RHOC: variants seen among roughly 807,000 people sequenced by gnomAD.
RHOC encodes rho-related GTP-binding protein RhoC.
RHOC carries 13 observed loss-of-function variants against 19.5 expected under a neutral mutation model. That is an observed-to-expected ratio of 0.67 (90% confidence interval 0.43 to 1.06). The LOEUF is 1.06. Ranked by LOEUF, RHOC falls within the 50% of genes least tolerant of loss-of-function variation. The probability of loss-of-function intolerance (pLI) is 0.00; values close to 1 mark genes in which losing one functional copy is unlikely to be tolerated. For synonymous variants in RHOC, 106 were observed against 97.3 expected (o/e 1.09, Z -0.52); for missense variants, 173 against 256.9 (o/e 0.67, Z 2.23).
chr1:112,703,566 G>C, intron 3 of RHOC, 78 bp downstream of exon 3: 1 of 1,187,438 alleles, frequency 8.4e-7, no homozygotes, highest in Non-Finnish European at 1.2e-6. Flanking sequence ...GGTAGGAATG[G>C]GGAAGGACAT....
rs1557780474 is a variant in RHOC at position 112,706,451 on chromosome 1, A to ACACACACACACACACAC, written c.-77+626_-77+627insGTGTGTGTGTGTGTGTG. On this transcript the variant is annotated intron_variant, in intron 1 of 5. Transcript: ENST00000339083. Reference sequence around the variant, plus strand: ...TCTCTACACACACACACACACACACACACACACACACACCACACACACACA... The same window carrying ACACACACACACACACAC: ...TCTCTACACACACACACACACACACACACACACACACACACACCACACACACACACCACACACACACA... Among the ~76,000 whole-genome samples the ACACACACACACACACAC allele has an allele frequency of 2.1e-4, 5 of 23,576 alleles. 1 individual carries two copies. Among genetic ancestry groups the ACACACACACACACACAC allele is most frequent in the Admixed American group, 1.1e-3 (2 of 1,854 alleles). The allele number at this position is 23,576 out of a possible 152,430, so 15.5% of individuals were successfully genotyped here.
In RHOC at chr1:112,703,708, G is replaced by T; in HGVS notation, c.92C>A (p.Pro31Gln). ...LLIVFSKDQF[P>Q]EVYVPTVFEN... ...AAAGACAGTAGGGACGTAGACCTCCGGAAACTGATCCTTGCTGAAGACGAT... is the reference window on the plus strand; with the variant it reads ...AAAGACAGTAGGGACGTAGACCTCCTGAAACTGATCCTTGCTGAAGACGAT... Residue 31 changes from proline to glutamine, a missense_variant, in exon 3 of 6, where the codon CCG (proline) becomes CAG (glutamine). Pro to Gln is a moderately conservative substitution (Grantham distance 76, BLOSUM62 -1). Coordinates refer to ENST00000339083, the MANE Select transcript of RHOC (RefSeq NM_175744.5). 1 of 1,613,532 alleles carries T rather than the reference G, an allele frequency of 6.2e-7. No individual in the cohort carries two copies. Among genetic ancestry groups the T allele is most frequent in the Non-Finnish European group, 8.5e-7 (1 of 1,179,830 alleles).
At chr1:112,702,092 T>C (rs1243385793) in intron 5 of RHOC, among the ~76,000 whole-genome samples, 2 of 152,212 alleles carry the variant, frequency 1.3e-5, no homozygotes, top group Non-Finnish European at 2.9e-5. Context: ...TTTCTTATCC[T>C]GACAGCTTTC....
In RHOC at chr1:112,705,169, C is replaced by A. The variant is rs1204466861; in HGVS notation, c.-76-1G>T. 6 of 702,274 alleles carry A rather than the reference C, an allele frequency of 8.5e-6. No homozygotes were observed. Among genetic ancestry groups the A allele is most frequent in the Non-Finnish European group, 1.6e-5 (6 of 384,908 alleles). The allele number at this position is 702,274 out of a possible 1,614,324, so 43.5% of individuals were successfully genotyped here. On this transcript the variant is annotated splice_acceptor_variant, in intron 1 of 5. Coordinates refer to ENST00000339083, the MANE Select transcript of RHOC (RefSeq NM_175744.5). LOFTEE classifies it low-confidence loss of function (5UTR_SPLICE). ...CTCTGGAGCTGAGATGAAGTCAAGG[C>A]TGTTGGGAAGGGGGAGGGGGCTAGA...
At position 112,701,779 on chromosome 1, in the gene RHOC, CA is replaced by C. The variant is rs146521106; in HGVS notation, c.409-67del. ...CTACATGAACCTCTCCTGCCTCACC[CA>C]TAAGTGTAGCAGCTGGAACAAATGC... On this transcript the variant is annotated intron_variant, in intron 5 of 5. Transcript: ENST00000339083. The C allele has an allele frequency of 9.3e-3, 14,403 of 1,543,492 alleles. 84 individuals carry two copies. Among genetic ancestry groups the C allele is most frequent in the Non-Finnish European group, 0.011 (12,867 of 1,119,222 alleles).
chr1:112,706,499 CACACACACACA>C (rs1674890103), intron 1 of RHOC, among the ~76,000 whole-genome samples: 1 of 59,920 alleles, frequency 1.7e-5, no homozygotes, highest in African/African-American at 6.6e-5. Flanking sequence ...CACACACACA[CACACACACACA>C]CACACACACA....
chr1:112,703,212 C>A, intron 3 of RHOC, 93 bp from the exon 4 acceptor site: 1 of 1,459,328 alleles, frequency 6.9e-7, no homozygotes. Context: ...GCTCACTGAA[C>A]TTCTTTATTT....
At chr1:112,702,483 G>T in intron 5 of RHOC, 80 bp downstream of exon 5, 1 of 1,480,468 alleles carries the variant, frequency 6.8e-7, no homozygotes, top group South Asian at 1.2e-5. Flanking sequence ...AGTAGCTGGA[G>T]AGAAGTTCCC....
Position 112,703,137 on chromosome 1 carries a change from T to G in RHOC, c.157-18A>C, listed in dbSNP as rs765408892. 7.4e-6 allele frequency: 12 copies of G among 1,613,548 alleles called. No homozygotes were observed. In the South Asian group the frequency reaches 1.3e-4, roughly 18 times the overall value. On this transcript the variant is annotated intron_variant, in intron 3 of 5. Transcript: ENST00000339083. ...AGCTCCACCTGACACACAGGGCCAG[T>G]GAGTAGCTGGCCTGAGGGCCCCAAC...
chr1:112,706,428 T>TACACACA (rs1570835278), intron 1 of RHOC, among the ~76,000 whole-genome samples: 1 of 41,486 alleles, frequency 2.4e-5, no homozygotes, highest in Non-Finnish European at 5.1e-5. Flanking sequence ...TCTCTCTCTC[T>TACACACA]CTACACACAC....
chr1:112,706,471 CA>C lies in RHOC; in HGVS notation c.-77+606del, dbSNP rs1557780665. On this transcript the variant is annotated intron_variant, in intron 1 of 5. Transcript: ENST00000339083. ...CACACACACACACACACACCACACA[CA>C]CACACACACACACACACACACACAC... Among the ~76,000 whole-genome samples the C allele has an allele frequency of 9.2e-3, 31 of 3,370 alleles. 2 individuals carry two copies. Among genetic ancestry groups the C allele is most frequent in the African/African-American group, 0.02 (31 of 1,536 alleles). 2.2% of individuals were successfully genotyped at this position (3,370 alleles called of 152,430 possible).
At chr1:112,706,646 A>C (rs1172364341) in intron 1 of RHOC, 2 of 151,966 alleles carry the variant, frequency 1.3e-5, no homozygotes, top group Non-Finnish European at 2.9e-5. Context: ...CAATGGTCAC[A>C]TCCCGCCCCT....
Position 112,701,462 on chromosome 1 carries a change from C to T in RHOC, c.*78G>A. 6.2e-7 allele frequency: 1 copy of T among 1,613,654 alleles called. No individual in the cohort carries two copies. Among genetic ancestry groups the T allele is most frequent in the South Asian group, 1.1e-5 (1 of 91,062 alleles). The stretch of plus-strand genomic sequence containing the variant: ...ATGGGAGCCTTCAGCATGGAGCCCT[C>T]AGGAGGCTGGGGTTGTAGGGGGATA... On this transcript the variant is annotated 3_prime_UTR_variant, in exon 6 of 6. Coordinates refer to ENST00000339083, the MANE Select transcript of RHOC (RefSeq NM_175744.5).
rs1283698600 is a variant in RHOC at position 112,703,485 on chromosome 1, G to C, written c.156+159C>G. 12 of 765,034 alleles carry C rather than the reference G, an allele frequency of 1.6e-5. No individual in the cohort carries two copies. The East Asian group carries it at 2.4e-4, about 15-fold the overall frequency. The allele number at this position is 765,034 out of a possible 1,614,324, so 47.4% of individuals were successfully genotyped here. A position where few individuals can be genotyped will look rare whatever the true frequency, so the allele number is the denominator to read the frequency against. ...GTGGGAGAACCAGAAAGTATATCCAGGTTTTTTAAGACTGCAGATTTACTT... is the reference window on the plus strand; with the variant it reads ...GTGGGAGAACCAGAAAGTATATCCACGTTTTTTAAGACTGCAGATTTACTT... On this transcript the variant is annotated intron_variant, in intron 3 of 5. Coordinates refer to ENST00000339083, the MANE Select transcript of RHOC (RefSeq NM_175744.5).
In RHOC at chr1:112,701,381, G is replaced by A. The variant is rs1043952998; in HGVS notation, c.*159C>T. On this transcript the variant is annotated 3_prime_UTR_variant, in exon 6 of 6. Coordinates refer to ENST00000339083, the MANE Select transcript of RHOC (RefSeq NM_175744.5). ...CCCAGAGCGCTGGGAGGGAGGGCCC[G>A]TGCCACCACCTCGGGGCTAGAAAAC... is the stretch of plus-strand genomic sequence containing the variant. 6.2e-5 allele frequency: 95 copies of A among 1,534,024 alleles called. No homozygotes were observed. Among genetic ancestry groups the A allele is most frequent in the African/African-American group, 1.1e-4 (8 of 72,808 alleles).
intron 1 of RHOC, chr1:112,705,470 A>G: frequency 1.7e-6 from 1 of 572,246 alleles, no homozygotes; most frequent in Non-Finnish European, 3.3e-6. Flanking sequence ...TTGCCTCCAG[A>G]CACATTCACA....
At chr1:112,703,549 A>T in intron 3 of RHOC, 95 bp downstream of exon 3, 1 of 1,046,750 alleles carries the variant, frequency 9.6e-7, no homozygotes. Flanking sequence ...AATGAAGCAA[A>T]GACAGGGGTA....
rs1674692219 is a variant in RHOC, at chr1:112,702,556, T to C, written c.408+7A>G. ...CCCAGGGGCTCCAGCCTGGCAGCCG[T>C]ACCCACCTGCTTCATCTTGGCCAGC... On this transcript the variant is annotated splice_region_variant and intron_variant, in intron 5 of 5. Transcript: ENST00000339083. 3 of 1,613,624 alleles carry C rather than the reference T, an allele frequency of 1.9e-6. No homozygotes were observed. The East Asian group carries it at 6.7e-5, about 36-fold the overall frequency.
In RHOC at chr1:112,701,529, C is replaced by A. The variant is rs757975795; in HGVS notation, c.*11G>T. 53 of 1,614,098 alleles carry A rather than the reference C, an allele frequency of 3.3e-5. 1 individual carries two copies. In the South Asian group the frequency reaches 5.3e-4, roughly 16 times the overall value. On this transcript the variant is annotated 3_prime_UTR_variant, in exon 6 of 6. Transcript: ENST00000339083. ...GAAGGGAGGGGGCATGTAGGAAAGG[C>A]CTTGGGGATCTCAGAGAATGGGACA...
Sources: allele counts gnomAD v4.1 joint callset (sites outside exome capture counted in the v4.1 genomes callset), GRCh38; gene constraint gnomAD v4.1.1; transcripts MANE v1.5; gene names NCBI Gene and HGNC (gene_info 2026-07-23, HGNC 2026-07-21).